The following TMEM128 variants were observed in gnomAD, a reference collection of about 807,000 sequenced individuals.
TMEM128 encodes the protein transmembrane protein 128.
A neutral mutation model predicts 19.7 loss-of-function variants in TMEM128; 16 were observed. The observed-to-expected ratio is 0.81, with a 90% CI of 0.55 to 1.23. TMEM128 has a LOEUF of 1.23. Ranked by LOEUF, TMEM128 falls within the 50% of genes most tolerant of loss-of-function variation. The probability of loss-of-function intolerance (pLI) is 0.00; values close to 1 mark genes in which losing one functional copy is unlikely to be tolerated. For synonymous variants in TMEM128, 98 were observed against 75.8 expected (o/e 1.29, Z -1.52); for missense variants, 237 against 200.8 (o/e 1.18, Z -1.09).
At chr4:4,247,479 T>G (rs1560221717) in intron 1 of TMEM128, 3 of 1,315,766 alleles carry the variant, frequency 2.3e-6, no homozygotes, top group Non-Finnish European at 3.2e-6. Context: ...ATATCCAAAA[T>G]GAAGTATCTG....
chr4:4,241,835 T>G (rs1473120281), intron 2 of TMEM128, among the ~76,000 whole-genome samples: 1 of 152,228 alleles, frequency 6.6e-6, no homozygotes, highest in Non-Finnish European at 1.5e-5. Flanking sequence ...AATCAAGTGG[T>G]CAGCAAAGTG....
chr4:4,237,856 A>T lies in TMEM128; in HGVS notation c.478T>A (p.Phe160Ile). The T allele has an allele frequency of 1.2e-6, 2 of 1,612,896 alleles. No individual in the cohort carries two copies. Among genetic ancestry groups the T allele is most frequent in the Non-Finnish European group, 1.7e-6 (2 of 1,179,174 alleles). Reference protein sequence around the residue: ...LFTQFMGVVMFITLLG With the variant: ...LFTQFMGVVMIITLLG ...GGAAATCATCCAAGGAGTGTGATAA[A>T]CATGACAACCCCCATAAACTGGGTA... is the stretch of plus-strand genomic sequence containing the variant. The change falls in exon 4 of 5, where the codon TTT (phenylalanine) becomes ATT (isoleucine). Residue 160 changes from phenylalanine (F) to isoleucine (I), a missense_variant. Coordinates refer to ENST00000382753, the MANE Select transcript of TMEM128 (RefSeq NM_001297551.2).
At chr4:4,240,012 C>A (rs1160510308) in intron 3 of TMEM128, among the ~76,000 whole-genome samples, 2 of 152,166 alleles carry the variant, frequency 1.3e-5, no homozygotes, top group Non-Finnish European at 1.5e-5. Flanking sequence ...CATGAGAATT[C>A]ATTCACTAAT....
chr4:4,241,223 G>C (rs3894080), intron 2 of TMEM128, among the ~76,000 whole-genome samples: 4 of 152,088 alleles, frequency 2.6e-5, no homozygotes, highest in African/African-American at 9.7e-5. Context: ...GGACTTTCTT[G>C]GAATACTGAA....
chr4:4,246,753 A>ATT (rs11427543), intron 1 of TMEM128, among the ~76,000 whole-genome samples: 106 of 148,936 alleles, frequency 7.1e-4, no homozygotes, highest in South Asian at 1.3e-3. Context: ...TTATAACTAA[A>ATT]TTTTTTTTTT....
At chr4:4,247,307 T>C (rs7676450) in intron 1 of TMEM128, among the ~76,000 whole-genome samples, 21,713 of 152,218 alleles carry the variant, frequency 0.14, 1,987 homozygotes, top group Non-Finnish European at 0.21. Context: ...ATCTGAGGTT[T>C]TGGGCCTTTA....
intron 1 of TMEM128, among the ~76,000 whole-genome samples, chr4:4,246,937 G>A (rs576403355): frequency 2.1e-4 from 32 of 152,074 alleles, no homozygotes; most frequent in East Asian, 1.9e-3. Flanking sequence ...TAGTAGAGAC[G>A]GGGTTTCACC....
chr4:4,240,495 C>CAGT lies in TMEM128; in HGVS notation c.240-19_240-17dup. Reference sequence around the variant, plus strand: ...GAGAAACCAGCTGTGGAGATAAAAACAGTAAGAGGTCTGACAGCACTTAAT... The same window carrying CAGT: ...GAGAAACCAGCTGTGGAGATAAAAACAGTAGTAAGAGGTCTGACAGCACTTAAT... On this transcript the variant is annotated splice_polypyrimidine_tract_variant and intron_variant, in intron 2 of 4. Transcript: ENST00000382753. The CAGT allele has an allele frequency of 6.2e-7, 1 of 1,608,598 alleles. No individual in the cohort carries two copies. Among genetic ancestry groups the CAGT allele is most frequent in the African/African-American group, 1.3e-5 (1 of 74,634 alleles).
chr4:4,242,813 C>T (rs1376502360), intron 2 of TMEM128, among the ~76,000 whole-genome samples: 1 of 152,084 alleles, frequency 6.6e-6, no homozygotes, highest in Non-Finnish European at 1.5e-5. Flanking sequence ...GCCACCATGC[C>T]CGGCCTAAGA....
chr4:4,241,633 T>C (rs1717960306), intron 2 of TMEM128, among the ~76,000 whole-genome samples: 1 of 152,200 alleles, frequency 6.6e-6, no homozygotes, highest in Non-Finnish European at 1.5e-5. Flanking sequence ...TTTACGATGA[T>C]GCAATTCTGA....
chr4:4,239,394 A>T (rs760256010), intron 3 of TMEM128, among the ~76,000 whole-genome samples: 6 of 140,024 alleles, frequency 4.3e-5, no homozygotes, highest in Non-Finnish European at 9.9e-5. Context: ...TATATGTACC[A>T]TTATGGAAGA....
intron 2 of TMEM128, among the ~76,000 whole-genome samples, chr4:4,242,285 A>G (rs1210891164): frequency 6.9e-6 from 1 of 145,558 alleles, no homozygotes; most frequent in Non-Finnish European, 1.5e-5. Flanking sequence ...CTTCTGCTAG[A>G]GCATGCAATC....
Position 4,237,264 on chromosome 4 carries a change from A to G in TMEM128, c.*9+563T>C, listed in dbSNP as rs991744061. On this transcript the variant is annotated intron_variant, in intron 4 of 4. Transcript: ENST00000382753. Reference sequence around the variant, plus strand: ...GATCCAGCCAACAGTCACTGAATATAAGCTGACACAAATTAATATAATTTC... The same window carrying G: ...GATCCAGCCAACAGTCACTGAATATGAGCTGACACAAATTAATATAATTTC... Among the ~76,000 whole-genome samples the G allele has an allele frequency of 1.2e-4, 18 of 152,300 alleles. 1 individual carries two copies. The highest frequency in any genetic ancestry group is 4.3e-4 in the African/African-American group (18 of 41,558).
rs1718167962 is a variant in TMEM128, at chr4:4,246,296, T to C, written c.145A>G (p.Asn49Asp). Residue 49 changes from asparagine to aspartate, a missense_variant, in exon 2 of 5, where the codon AAT becomes GAT. Coordinates refer to ENST00000382753, the MANE Select transcript of TMEM128 (RefSeq NM_001297551.2). Reference sequence around the variant, plus strand: ...AAAATCCAGAATCCAGAATGGATATTAAGTCTTGGAAGAGGTTTCTCCTTT... The same window carrying C: ...AAAATCCAGAATCCAGAATGGATATCAAGTCTTGGAAGAGGTTTCTCCTTT... Reference protein sequence around the residue: ...EKKEKPLPRLNIHSGFWILAS... With the variant: ...EKKEKPLPRLDIHSGFWILAS... 2 of 1,612,972 alleles carry C rather than the reference T, an allele frequency of 1.2e-6. No individual in the cohort carries two copies. Among genetic ancestry groups the C allele is most frequent in the South Asian group, 2.2e-5 (2 of 90,806 alleles).
chr4:4,245,273 A>G (rs549419624), intron 2 of TMEM128, among the ~76,000 whole-genome samples: 2 of 151,984 alleles, frequency 1.3e-5, no homozygotes, highest in South Asian at 4.2e-4. Context: ...CTCCATGTCA[A>G]CTCTGGAGAC....
At position 4,248,186 on chromosome 4, in the gene TMEM128, G is replaced by C. The variant is rs554865891; in HGVS notation, c.17C>G (p.Ala6Gly). 6.6e-7 allele frequency: 1 copy of C among 1,526,516 alleles called. No individual in the cohort carries two copies. The highest frequency in any genetic ancestry group is 1.4e-5 in the African/African-American group (1 of 71,386). 94.6% of individuals were successfully genotyped at this position (1,526,516 alleles called of 1,614,324 possible). The change falls in exon 1 of 5, where the codon GCC becomes GGC. Residue 6 changes from alanine (A) to glycine (G), a missense_variant. By Grantham distance (60) the Ala-to-Gly change is moderately conservative. Transcript: ENST00000382753. Reference sequence around the variant, plus strand: ...GAATCGCCGCCGGAGCTGCTGCCGGGCCCGCGAGGAGTCCATCTTGGTACC... The same window carrying C: ...GAATCGCCGCCGGAGCTGCTGCCGGCCCCGCGAGGAGTCCATCTTGGTACC... MDSSR[A>G]RQQLRRRFLL...
In TMEM128 at chr4:4,248,101, C is replaced by T. The variant is rs1346935298; in HGVS notation, c.97+5G>A. 4 of 1,535,486 alleles carry T rather than the reference C, an allele frequency of 2.6e-6. No homozygotes were observed. The highest frequency in any genetic ancestry group is 2.4e-5 in the South Asian group (2 of 83,810). On this transcript the variant is annotated splice_donor_5th_base_variant and intron_variant, in intron 1 of 4. Coordinates refer to ENST00000382753, the MANE Select transcript of TMEM128 (RefSeq NM_001297551.2). Reference sequence around the variant, plus strand: ...AACCTCGGGGCGGCTTGGTGCGCGCCTCACCCGGCCCGGCGTCACCCTCGC... The same window carrying T: ...AACCTCGGGGCGGCTTGGTGCGCGCTTCACCCGGCCCGGCGTCACCCTCGC...
chr4:4,241,304 CAAA>C (rs1164871852), intron 2 of TMEM128, among the ~76,000 whole-genome samples: 1 of 152,182 alleles, frequency 6.6e-6, no homozygotes, highest in Non-Finnish European at 1.5e-5. Flanking sequence ...CTCCCATTTT[CAAA>C]ATATCTTCTA....
rs1296121832 is a variant in TMEM128 at position 4,248,209 on chromosome 4, A to G, written c.-7T>C. On this transcript the variant is annotated 5_prime_UTR_variant, in exon 1 of 5. Transcript: ENST00000382753. ...GGGCCCGCGAGGAGTCCATCTTGGT[A>G]CCGCCCCGAAATGCGACGGAAGTGA... The G allele has an allele frequency of 4.7e-6, 7 of 1,498,728 alleles. No individual in the cohort carries two copies. Among genetic ancestry groups the G allele is most frequent in the Non-Finnish European group, 6.2e-6 (7 of 1,121,206 alleles). The allele number at this position is 1,498,728 out of a possible 1,614,324, so 92.8% of individuals were successfully genotyped here. A position where few individuals can be genotyped will look rare whatever the true frequency, so the allele number is the denominator to read the frequency against.
Sources: allele counts gnomAD v4.1 joint callset (sites outside exome capture counted in the v4.1 genomes callset), GRCh38; gene constraint gnomAD v4.1.1; transcripts MANE v1.5; gene names NCBI Gene and HGNC (gene_info 2026-07-23, HGNC 2026-07-21).